The following PJA2 variants were observed in gnomAD, a reference collection of about 807,000 sequenced individuals.
PJA2 encodes praja ring finger ubiquitin ligase 2, also known as E3 ubiquitin-protein ligase Praja-2.
Under a neutral mutation model 69.3 loss-of-function variants are expected in PJA2, and 25 were observed. The observed-to-expected ratio is 0.36, with a 90% CI of 0.26 to 0.50. The LOEUF (loss-of-function observed/expected upper bound fraction) is 0.50. Ranked by LOEUF, PJA2 falls within the 20% of genes least tolerant of loss-of-function variation. PJA2 has a pLI of 0.96. For missense variants in PJA2, 809 were observed against 830.2 expected (o/e 0.97, Z 0.31); for synonymous variants, 308 against 277.8 (o/e 1.11, Z -1.08).
intron 9 of PJA2, among the ~76,000 whole-genome samples, chr5:109,339,607 A>C (rs1762006141): frequency 6.6e-6 from 1 of 152,216 alleles, no homozygotes; most frequent in Admixed American, 6.5e-5. Context: ...AAATTTTAAG[A>C]GTTGGTGGCT....
intron 4 of PJA2, among the ~76,000 whole-genome samples, chr5:109,377,429 C>A (rs1289444202): frequency 1.3e-5 from 2 of 152,014 alleles, no homozygotes; most frequent in Non-Finnish European, 2.9e-5. Flanking sequence ...CAAAGAAATT[C>A]TCCATTTTTT....
intron 1 of PJA2, among the ~76,000 whole-genome samples, chr5:109,388,955 T>C (rs1747224057): frequency 6.6e-6 from 1 of 152,200 alleles, no homozygotes. Context: ...ACAAACTTTA[T>C]GACAAAATGC....
At chr5:109,402,978 A>C (rs963190061) in intron 1 of PJA2, among the ~76,000 whole-genome samples, 2 of 152,234 alleles carry the variant, frequency 1.3e-5, no homozygotes, top group African/African-American at 4.8e-5. Context: ...CTTACACCTT[A>C]ATAAATTAAC....
intron 1 of PJA2, among the ~76,000 whole-genome samples, chr5:109,395,006 T>C (rs1269154552): frequency 6.6e-6 from 1 of 152,176 alleles, no homozygotes; most frequent in Non-Finnish European, 1.5e-5. Context: ...TCATACTATC[T>C]GTATGAGCCA....
intron 1 of PJA2, among the ~76,000 whole-genome samples, chr5:109,403,047 AAACT>A (rs1168415856): frequency 2.0e-5 from 3 of 152,046 alleles, no homozygotes; most frequent in Admixed American, 6.5e-5. Context: ...GAAATCAATA[AAACT>A]AACAATTAAA....
chr5:109,347,753 C>A (rs1400034267), intron 7 of PJA2, among the ~76,000 whole-genome samples: 1 of 152,224 alleles, frequency 6.6e-6, no homozygotes, highest in Non-Finnish European at 1.5e-5. Context: ...GTAGAGTGCT[C>A]CATCTCAGCC....
intron 6 of PJA2, among the ~76,000 whole-genome samples, chr5:109,356,772 C>A (rs1382733652): frequency 6.6e-6 from 1 of 151,946 alleles, no homozygotes; most frequent in Non-Finnish European, 1.5e-5. Flanking sequence ...ATTAATCTGT[C>A]TTCTTCTAAG....
At chr5:109,344,608 G>C in intron 8 of PJA2, 97 bp downstream of exon 8, 1 of 841,412 alleles carries the variant, frequency 1.2e-6, no homozygotes, top group Non-Finnish European at 1.8e-6. Context: ...TCTAGTGAAA[G>C]TTTCTAATAA....
chr5:109,369,773 T>C (rs1762644505), intron 4 of PJA2, among the ~76,000 whole-genome samples: 1 of 152,166 alleles, frequency 6.6e-6, no homozygotes, highest in South Asian at 2.1e-4. Flanking sequence ...GGCTCACACC[T>C]ATAAATCCCA....
Position 109,408,372 on chromosome 5 carries a change from G to C in PJA2, c.-88+1470C>G, listed in dbSNP as rs913753636. ...ACTGCAATTAAATGTCTTTCAAAAA[G>C]GGAATAGAATAAATTATAGCCCATT... On this transcript the variant is annotated intron_variant, in intron 1 of 9. Transcript: ENST00000361189. Among the ~76,000 whole-genome samples the C allele has an allele frequency of 6.6e-5, 10 of 152,212 alleles. No individual in the cohort carries two copies. In the South Asian group the frequency reaches 2.1e-3, roughly 32 times the overall value.
intron 1 of PJA2, among the ~76,000 whole-genome samples, chr5:109,400,300 A>G (rs1315745336): frequency 6.6e-6 from 1 of 152,018 alleles, no homozygotes; most frequent in East Asian, 1.9e-4. Context: ...AAAAAAAAAA[A>G]AGAAAAAGAT....
At chr5:109,381,113 C>CA (rs1042716260) in intron 3 of PJA2, among the ~76,000 whole-genome samples, 345 of 95,396 alleles carry the variant, frequency 3.6e-3, no homozygotes, top group Middle Eastern at 7.5e-3. Context: ...GACTCCATCT[C>CA]AAAAAAAAAA....
intron 1 of PJA2, among the ~76,000 whole-genome samples, chr5:109,398,096 A>G (rs1008229340): frequency 6.6e-6 from 1 of 152,202 alleles, no homozygotes; most frequent in Non-Finnish European, 1.5e-5. Flanking sequence ...TCAAAATCAC[A>G]ATGAGATACC....
chr5:109,382,791 T>G (rs1747080178), intron 2 of PJA2, among the ~76,000 whole-genome samples: 1 of 150,290 alleles, frequency 6.7e-6, no homozygotes, highest in African/African-American at 2.5e-5. Context: ...GAGGTTGCAG[T>G]GAGCCAAGAC....
At chr5:109,344,100 CAAAAAAA>C (rs916556182) in intron 9 of PJA2, 83 bp downstream of exon 9, 67 of 398,522 alleles carry the variant, frequency 1.7e-4, no homozygotes, top group Middle Eastern at 9.5e-4. Flanking sequence ...TTTGTCTCAC[CAAAAAAA>C]AAAAAAAAAA....
chr5:109,345,645 A>G (rs1203068949), intron 7 of PJA2, among the ~76,000 whole-genome samples: 1 of 152,206 alleles, frequency 6.6e-6, no homozygotes, highest in Non-Finnish European at 1.5e-5. Context: ...AGAAAATAAT[A>G]AACATTTTGG....
At chr5:109,372,031 CT>C (rs556905553) in intron 4 of PJA2, among the ~76,000 whole-genome samples, 7 of 152,088 alleles carry the variant, frequency 4.6e-5, no homozygotes, top group Admixed American at 1.3e-4. Flanking sequence ...GTTAGCGAGT[CT>C]TTTTTTAACA....
At chr5:109,373,911 G>A (rs894741685) in intron 4 of PJA2, among the ~76,000 whole-genome samples, 4 of 152,114 alleles carry the variant, frequency 2.6e-5, no homozygotes, top group Non-Finnish European at 5.9e-5. Context: ...CCAACCAAAA[G>A]TAATCTCTCA....
chr5:109,403,537 A>T (rs1458562461), intron 1 of PJA2, among the ~76,000 whole-genome samples: 1 of 151,870 alleles, frequency 6.6e-6, no homozygotes, highest in Non-Finnish European at 1.5e-5. Context: ...ATGAAAAAGT[A>T]TCTTTCATGA....
Sources: gnomAD v4.1 joint callset for allele counts (sites outside exome capture counted in the v4.1 genomes callset) on GRCh38, gnomAD v4.1.1 for gene constraint, MANE v1.5 for transcripts, NCBI Gene and HGNC (gene_info 2026-07-23, HGNC 2026-07-21) for gene names.